The following CHST9 variants were observed in gnomAD, a reference collection of about 807,000 sequenced individuals.
The protein encoded by CHST9 is GalNAc-4-sulfotransferase 2.
CHST9 carries 41 observed loss-of-function variants against 44.4 expected under a neutral mutation model. That is an observed-to-expected ratio of 0.92 (90% CI 0.72 to 1.20). CHST9 has a LOEUF of 1.20. Among genes scored for constraint, CHST9 ranks in the 50% most tolerant of loss-of-function variants. The probability of loss-of-function intolerance (pLI) is 0.00; values close to 1 mark genes in which losing one functional copy is unlikely to be tolerated. For missense variants in CHST9, 504 were observed against 516.5 expected (o/e 0.98, Z 0.23); for synonymous variants, 171 against 178.4 (o/e 0.96, Z 0.33).
chr18:27,101,834 T>C (rs1404648400), intron 2 of CHST9, among the ~76,000 whole-genome samples: 1 of 152,188 alleles, frequency 6.6e-6, no homozygotes, highest in African/African-American at 2.4e-5. Context: ...CTCTTAGTCA[T>C]CATGTCAAAT....
intron 3 of CHST9, among the ~76,000 whole-genome samples, chr18:27,042,759 G>A (rs1043724740): frequency 2.2e-4 from 34 of 151,606 alleles, no homozygotes; most frequent in Admixed American, 1.2e-3. Flanking sequence ...TAAGGATTAA[G>A]CTCTTCTCTC....
In CHST9 at chr18:26,916,726, C is replaced by G. The variant is rs763937009; in HGVS notation, c.865G>C (p.Ala289Pro). The G allele has an allele frequency of 2.5e-6, 4 of 1,613,768 alleles. No individual in the cohort carries two copies. The highest frequency in any genetic ancestry group is 1.6e-4 in the Middle Eastern group (1 of 6,078). Residue 289 changes from alanine (A) to proline (P), a missense_variant, in exon 6 of 6, where the codon GCC becomes CCC. By Grantham distance (27) the Ala-to-Pro change is conservative. Transcript: ENST00000618847. ...VRDPMERLVS[A>P]FRDKFEHPNS... ...GGGTGTTCAAATTTGTCCCTAAAGG[C>G]TGATACTAATCTTTCCATGGGATCA...
intron 4 of CHST9, among the ~76,000 whole-genome samples, chr18:26,990,455 A>G (rs931839982): frequency 1.3e-5 from 2 of 152,152 alleles, no homozygotes; most frequent in African/African-American, 4.8e-5. Flanking sequence ...TCACTTTTTT[A>G]TAAGTATGTT....
intron 2 of CHST9, among the ~76,000 whole-genome samples, chr18:27,138,563 TTGTGGC>T (rs1448829813): frequency 1.3e-5 from 2 of 152,172 alleles, no homozygotes; most frequent in East Asian, 3.8e-4. Context: ...TTTTCCTGAA[TTGTGGC>T]TGAGTTTTAA....
chr18:26,936,765 A>G (rs1212053779), intron 5 of CHST9: 2 of 152,198 alleles, frequency 1.3e-5, no homozygotes, highest in African/African-American at 2.4e-5. Flanking sequence ...AGGAGGAAAA[A>G]GATGAGAAAA....
intron 1 of CHST9, among the ~76,000 whole-genome samples, chr18:27,166,203 T>C (rs550159826): frequency 2.0e-5 from 3 of 152,270 alleles, no homozygotes; most frequent in African/African-American, 2.4e-5. Flanking sequence ...TCTGTTCTGG[T>C]CTCATATTTC....
chr18:27,032,512 C>T (rs2057351679), intron 3 of CHST9, among the ~76,000 whole-genome samples: 1 of 152,236 alleles, frequency 6.6e-6, no homozygotes, highest in South Asian at 2.1e-4. Context: ...CCTTCCCTCT[C>T]TTCCTTCTTT....
intron 4 of CHST9, among the ~76,000 whole-genome samples, chr18:27,023,515 T>C (rs61518181): frequency 0.066 from 10,027 of 152,272 alleles, 419 homozygotes; most frequent in South Asian, 0.13. Context: ...ATCTTAATAA[T>C]CTTTATTTTA....
chr18:26,924,349 G>A (rs1193223344), intron 5 of CHST9, among the ~76,000 whole-genome samples: 1 of 152,050 alleles, frequency 6.6e-6, no homozygotes, highest in Non-Finnish European at 1.5e-5. Flanking sequence ...TTTTATGGGG[G>A]CCCTGGGGTG....
intron 5 of CHST9, among the ~76,000 whole-genome samples, chr18:26,928,073 G>A (rs1229600770): frequency 2.6e-5 from 4 of 152,138 alleles, no homozygotes; most frequent in Admixed American, 6.5e-5. Flanking sequence ...ACGTTGAGTC[G>A]ACACAGCACT....
intron 3 of CHST9, among the ~76,000 whole-genome samples, chr18:27,039,417 T>A (rs1354593419): frequency 6.6e-6 from 1 of 152,026 alleles, no homozygotes; most frequent in African/African-American, 2.4e-5. Context: ...ACCACAAATA[T>A]TGTATGATTC....
chr18:27,035,031 G>A (rs1276516481), intron 3 of CHST9, among the ~76,000 whole-genome samples: 1 of 152,196 alleles, frequency 6.6e-6, no homozygotes, highest in African/African-American at 2.4e-5. Context: ...GAAATGGGAT[G>A]GCTGGATGAT....
At chr18:26,991,174 C>T (rs1221139285) in intron 4 of CHST9, among the ~76,000 whole-genome samples, 3 of 152,148 alleles carry the variant, frequency 2.0e-5, no homozygotes, top group Admixed American at 2.0e-4. Flanking sequence ...GAGGCTATGG[C>T]ATATTCCAAA....
intron 2 of CHST9, among the ~76,000 whole-genome samples, chr18:27,135,044 G>GT (rs956116954): frequency 2.0e-5 from 3 of 152,190 alleles, no homozygotes; most frequent in East Asian, 1.9e-4. Flanking sequence ...GATTTTAAGT[G>GT]TTTTTTACCA....
chr18:27,100,438 G>A (rs548043916), intron 2 of CHST9, among the ~76,000 whole-genome samples: 1 of 152,200 alleles, frequency 6.6e-6, no homozygotes, highest in African/African-American at 2.4e-5. Context: ...AGATAAATAA[G>A]TGCTAGCAGT....
chr18:26,969,339 T>C (rs147280214), intron 4 of CHST9, among the ~76,000 whole-genome samples: 1 of 151,606 alleles, frequency 6.6e-6, no homozygotes, highest in African/African-American at 2.4e-5. Context: ...TACTCTTTAC[T>C]AGCTAGTCTT....
At chr18:27,004,747 ATTTAT>A (rs2056994995) in intron 4 of CHST9, among the ~76,000 whole-genome samples, 1 of 152,176 alleles carries the variant, frequency 6.6e-6, no homozygotes. Context: ...CTTTCGATCA[ATTTAT>A]TTTAATTAGG....
At chr18:27,051,438 C>T (rs2143571757) in intron 2 of CHST9, among the ~76,000 whole-genome samples, 1 of 152,250 alleles carries the variant, frequency 6.6e-6, no homozygotes, top group African/African-American at 2.4e-5. Flanking sequence ...AGACAAAAAA[C>T]TATGGCTTCA....
intron 1 of CHST9, among the ~76,000 whole-genome samples, chr18:27,184,833 T>C (rs988109681): frequency 6.6e-6 from 1 of 152,130 alleles, no homozygotes; most frequent in African/African-American, 2.4e-5. Context: ...CTCAGGTAGC[T>C]GACAAGTTCA....
Sources: allele counts gnomAD v4.1 joint callset (sites outside exome capture counted in the v4.1 genomes callset), GRCh38; gene constraint gnomAD v4.1.1; transcripts MANE v1.5; gene names NCBI Gene and HGNC (gene_info 2026-07-23, HGNC 2026-07-21).